Variants in MERTK observed in about 807,000 individuals in gnomAD.
MERTK encodes MER proto-oncogene, tyrosine kinase.
Under a neutral mutation model 99.3 loss-of-function variants are expected in MERTK, and 69 were observed. The ratio of observed to expected loss-of-function variants is 0.70; its 90% CI spans 0.57 to 0.85. The LOEUF (loss-of-function observed/expected upper bound fraction) is 0.85, where lower values mean the gene tolerates loss of function less well. MERTK is among the 40% of genes least tolerant of loss of function. MERTK has a pLI of 0.00. For synonymous variants in MERTK, 426 were observed against 467.6 expected, an observed-to-expected ratio of 0.91 and a Z score of 1.15; for missense variants, 1,125 against 1,249.4, an observed-to-expected ratio of 0.90 and a Z score of 1.50.
At chr2:112,003,794 G>A (rs959288980) in intron 12 of MERTK, 110 bp from the exon 13 acceptor site, 11 of 986,476 alleles carry the variant, frequency 1.1e-5, no homozygotes, top group African/African-American at 1.6e-5. Flanking sequence ...GGCTGCCCGT[G>A]GGTGAGTTGC....
chr2:111,963,399 C>T (rs139278710), intron 4 of MERTK, among the ~76,000 whole-genome samples: 6 of 152,176 alleles, frequency 3.9e-5, no homozygotes, highest in Admixed American at 6.5e-5. Flanking sequence ...TTACGGGTGT[C>T]GGGCTGGGGG....
intron 16 of MERTK, among the ~76,000 whole-genome samples, chr2:112,020,199 C>CT (rs1677309991): frequency 6.6e-6 from 1 of 152,220 alleles, no homozygotes; most frequent in Non-Finnish European, 1.5e-5. Context: ...GACCCTGCCC[C>CT]TAGGGCTCCT....
chr2:112,003,817 T>A, intron 12 of MERTK, 87 bp from the exon 13 acceptor site: 1 of 1,250,876 alleles, frequency 8.0e-7, no homozygotes, highest in Non-Finnish European at 1.2e-6. Context: ...TCATACCACA[T>A]GAAACCAGCA....
At chr2:112,002,404 A>C (rs1348806523) in intron 11 of MERTK, among the ~76,000 whole-genome samples, 1 of 152,064 alleles carries the variant, frequency 6.6e-6, no homozygotes, top group African/African-American at 2.4e-5. Context: ...GTTCTTTTGT[A>C]TACTGTAGTC....
At chr2:112,015,340 G>T (rs1261793100) in intron 15 of MERTK, among the ~76,000 whole-genome samples, 1 of 152,158 alleles carries the variant, frequency 6.6e-6, no homozygotes, top group Non-Finnish European at 1.5e-5. Context: ...TAATATTGTT[G>T]CTGGCTTTTC....
At chr2:111,931,115 G>A (rs1684661647) in intron 2 of MERTK, among the ~76,000 whole-genome samples, 1 of 152,142 alleles carries the variant, frequency 6.6e-6, no homozygotes, top group South Asian at 2.1e-4. Flanking sequence ...GAATCATTTT[G>A]TTTCCTTTTC....
intron 7 of MERTK, among the ~76,000 whole-genome samples, chr2:111,978,138 T>G (rs906762796): frequency 2.0e-5 from 3 of 147,786 alleles, no homozygotes; most frequent in African/African-American, 7.7e-5. Flanking sequence ...TTATGTTTTG[T>G]TTTTTGGTTG....
At chr2:112,022,476 T>A (rs745810004) in intron 18 of MERTK, 82 bp downstream of exon 18, 35 of 1,596,364 alleles carry the variant, frequency 2.2e-5, no homozygotes, top group African/African-American at 2.7e-5. Context: ...AACACAGCCA[T>A]GGGAGGGGAA....
At chr2:111,952,224 A>T (rs1254865992) in intron 4 of MERTK, 1 of 160,448 alleles carries the variant, frequency 6.2e-6, no homozygotes, top group African/African-American at 2.4e-5. Context: ...GAAAATTCTC[A>T]AGGTGGACTA....
At position 112,027,176 on chromosome 2, in the gene MERTK, TAC is replaced by T. The variant is rs541453305; in HGVS notation, c.2487-1157_2487-1156del. ...ATTTTTAAAATTTTATATATATATA[TAC>T]ACACACACACACACACATTTTTATA... On this transcript the variant is annotated intron_variant, in intron 18 of 18. Coordinates refer to ENST00000295408, the MANE Select transcript of MERTK (RefSeq NM_006343.3). Among the ~76,000 whole-genome samples the T allele has an allele frequency of 3.5e-3, 524 of 149,096 alleles. 4 individuals are homozygous for T. Among genetic ancestry groups the T allele is most frequent in the African/African-American group, 0.011 (444 of 40,698 alleles).
chr2:111,984,187 A>T (rs1442491816), intron 8 of MERTK, among the ~76,000 whole-genome samples: 2 of 152,012 alleles, frequency 1.3e-5, no homozygotes, highest in Non-Finnish European at 2.9e-5. Context: ...GGCAGAAGAA[A>T]AGGGGAGAAT....
intron 1 of MERTK, among the ~76,000 whole-genome samples, chr2:111,925,878 G>A (rs935209661): frequency 2.0e-5 from 3 of 150,758 alleles, no homozygotes; most frequent in Non-Finnish European, 4.4e-5. Flanking sequence ...TGTCCCCCAG[G>A]CTAGAGTACA....
chr2:111,999,923 A>C (rs1676834696), intron 10 of MERTK, among the ~76,000 whole-genome samples: 1 of 152,204 alleles, frequency 6.6e-6, no homozygotes, highest in Non-Finnish European at 1.5e-5. Flanking sequence ...TGGATCTTGC[A>C]AAGTACATTC....
intron 8 of MERTK, among the ~76,000 whole-genome samples, chr2:111,987,458 G>A (rs1321179985): frequency 1.3e-5 from 2 of 152,204 alleles, no homozygotes; most frequent in Non-Finnish European, 2.9e-5. Flanking sequence ...TCTCTTTGAA[G>A]TTGGAGGCAG....
At chr2:111,986,386 A>G (rs955897336) in intron 8 of MERTK, among the ~76,000 whole-genome samples, 2 of 152,236 alleles carry the variant, frequency 1.3e-5, no homozygotes, top group Admixed American at 6.5e-5. Context: ...TATACTAAGC[A>G]TAAAGGTTCA....
At chr2:111,915,439 T>C (rs1337914864) in intron 1 of MERTK, among the ~76,000 whole-genome samples, 1 of 152,124 alleles carries the variant, frequency 6.6e-6, no homozygotes, top group African/African-American at 2.4e-5. Context: ...CCCTGTGTTC[T>C]AAACTTAAAT....
Position 112,029,130 on chromosome 2 carries a change from C to G in MERTK, c.*266C>G, listed in dbSNP as rs1422744793. The G allele has an allele frequency of 7.2e-6, 8 of 1,113,348 alleles. No individual in the cohort carries two copies. Among genetic ancestry groups the G allele is most frequent in the Middle Eastern group, 8.1e-4 (2 of 2,482 alleles). 69.0% of individuals were successfully genotyped at this position (1,113,348 alleles called of 1,614,324 possible). A position where few individuals can be genotyped will look rare whatever the true frequency, so the allele number is the denominator to read the frequency against. ...ATTTCATTTCACTTATCTTGCATAT[C>G]TTAAAATTAAGCTTCAGCTGCTCCT... is the stretch of plus-strand genomic sequence containing the variant. On this transcript the variant is annotated 3_prime_UTR_variant, in exon 19 of 19. Coordinates refer to ENST00000295408, the MANE Select transcript of MERTK (RefSeq NM_006343.3).
At chr2:111,944,938 C>A (rs1684937622) in intron 2 of MERTK, 22 bp from the exon 3 acceptor site, 2 of 1,597,442 alleles carry the variant, frequency 1.3e-6, no homozygotes, top group East Asian at 4.5e-5. Context: ...CTGTAAATAT[C>A]TTCATGTGTT....
At chr2:111,908,657 G>C (rs1684185966) in intron 1 of MERTK, among the ~76,000 whole-genome samples, 1 of 152,196 alleles carries the variant, frequency 6.6e-6, no homozygotes, top group South Asian at 2.1e-4. Context: ...TAACCAAAAT[G>C]GGAGTATTTT....
Sources: gnomAD v4.1 joint callset for allele counts (sites outside exome capture counted in the v4.1 genomes callset) on GRCh38, gnomAD v4.1.1 for gene constraint, MANE v1.5 for transcripts, NCBI Gene and HGNC (gene_info 2026-07-23, HGNC 2026-07-21) for gene names.